ENTREP2: variants seen among roughly 807,000 people sequenced by gnomAD.
The protein encoded by ENTREP2 is endosomal transmembrane epsin interactor 2, also known as protein ENTREP2.
At chr15:29,356,958 C>A in the ENTREP2 span, among the ~76,000 whole-genome samples, 2 of 151,988 alleles carry the variant, frequency 1.3e-5, no homozygotes, top group Non-Finnish European at 2.9e-5. Context: ...AGCTGGGGGC[C>A]CTTCCTCCTC....
At chr15:29,228,280 C>T in the ENTREP2 span, among the ~76,000 whole-genome samples, 56 of 152,216 alleles carry the variant, frequency 3.7e-4, no homozygotes, top group African/African-American at 9.9e-4. Flanking sequence ...GATCACGCCA[C>T]TGCACTCTAG....
chr15:29,304,008 G>A, the ENTREP2 span, among the ~76,000 whole-genome samples: 2 of 152,136 alleles, frequency 1.3e-5, no homozygotes, highest in East Asian at 3.9e-4. Flanking sequence ...AGCCTCCCAA[G>A]TAGCTGGGAC....
At chr15:29,441,084 G>A in the ENTREP2 span, among the ~76,000 whole-genome samples, 5 of 152,186 alleles carry the variant, frequency 3.3e-5, no homozygotes, top group African/African-American at 4.8e-5. Context: ...CCACAAATGC[G>A]TGCATTGATA....
chr15:29,253,364 C>G, the ENTREP2 span, among the ~76,000 whole-genome samples: 3 of 152,058 alleles, frequency 2.0e-5, no homozygotes, highest in African/African-American at 4.8e-5. Flanking sequence ...AAACATTTCT[C>G]TAGCCTCTGT....
the ENTREP2 span, among the ~76,000 whole-genome samples, chr15:29,371,092 G>T: frequency 6.6e-6 from 1 of 151,960 alleles, no homozygotes; most frequent in Admixed American, 6.6e-5. Flanking sequence ...ACAACTTGAG[G>T]TACCTCTGAA....
chr15:29,212,792 T>C, the ENTREP2 span, among the ~76,000 whole-genome samples: 1 of 152,240 alleles, frequency 6.6e-6, no homozygotes, highest in Admixed American at 6.5e-5. Flanking sequence ...CTCTTTAGTT[T>C]AATTAGATCC....
chr15:29,367,616 G>A, the ENTREP2 span, among the ~76,000 whole-genome samples: 661 of 152,222 alleles, frequency 4.3e-3, 20 homozygotes, highest in East Asian at 0.052. Flanking sequence ...CATGCATAGC[G>A]CTGTGCATAT....
the ENTREP2 span, among the ~76,000 whole-genome samples, chr15:29,172,636 G>A: frequency 6.6e-6 from 1 of 152,124 alleles, no homozygotes; most frequent in Non-Finnish European, 1.5e-5. Context: ...AGGGTCCCTT[G>A]CCCTTCATAA....
chr15:29,330,645 C>T, the ENTREP2 span, among the ~76,000 whole-genome samples: 1 of 152,042 alleles, frequency 6.6e-6, no homozygotes, highest in Non-Finnish European at 1.5e-5. Context: ...GAGCCTAAGG[C>T]AACATGGCGA....
the ENTREP2 span, among the ~76,000 whole-genome samples, chr15:29,637,983 G>A: frequency 1.3e-5 from 2 of 152,288 alleles, no homozygotes; most frequent in East Asian, 3.9e-4. Context: ...AAGACCAAAT[G>A]GACATGGAGT....
chr15:29,269,777 C>A, the ENTREP2 span: 1 of 1,352,854 alleles, frequency 7.4e-7, no homozygotes. Context: ...GGTCGGCGAC[C>A]CGCTAACGCC....
chr15:29,196,749 C>G, the ENTREP2 span: 5 of 531,088 alleles, frequency 9.4e-6, no homozygotes. Flanking sequence ...CTTCAAATTC[C>G]TATCTTAACA....
At chr15:29,632,721 G>C in the ENTREP2 span, among the ~76,000 whole-genome samples, 1 of 152,102 alleles carries the variant, frequency 6.6e-6, no homozygotes, top group Non-Finnish European at 1.5e-5. Context: ...AGGAGGCAGA[G>C]GTTGCAGTGA....
At chr15:29,350,524 A>C in the ENTREP2 span, among the ~76,000 whole-genome samples, 1 of 152,232 alleles carries the variant, frequency 6.6e-6, no homozygotes, top group Non-Finnish European at 1.5e-5. Context: ...ACTTTGATTA[A>C]GAATTTCAAA....
chr15:29,251,655 A>G, the ENTREP2 span, among the ~76,000 whole-genome samples: 1 of 152,050 alleles, frequency 6.6e-6, no homozygotes, highest in Non-Finnish European at 1.5e-5. Flanking sequence ...CTGTTCTACA[A>G]TGTACACAGC....
chr15:29,263,143 A>G, the ENTREP2 span, among the ~76,000 whole-genome samples: 1 of 152,258 alleles, frequency 6.6e-6, no homozygotes. Flanking sequence ...CAAGTGACCA[A>G]AACCAATTTC....
At chr15:29,352,684 G>A in the ENTREP2 span, among the ~76,000 whole-genome samples, 5 of 152,050 alleles carry the variant, frequency 3.3e-5, no homozygotes, top group African/African-American at 9.7e-5. Flanking sequence ...CCTGGCTGCC[G>A]CTCACTCTGA....
the ENTREP2 span, chr15:29,234,505 A>G: frequency 4.2e-6 from 6 of 1,420,598 alleles, no homozygotes; most frequent in African/African-American, 1.4e-5. Flanking sequence ...AGCTATAAGA[A>G]CAACCAACGG....
At chr15:29,255,893 C>T in the ENTREP2 span, among the ~76,000 whole-genome samples, 5 of 151,328 alleles carry the variant, frequency 3.3e-5, no homozygotes, top group East Asian at 2.0e-4. Flanking sequence ...ACCAGCTACT[C>T]GGGATGCTGA....
Sources: gnomAD v4.1 joint callset for allele counts (sites outside exome capture counted in the v4.1 genomes callset) on GRCh38, gnomAD v4.1.1 for gene constraint, MANE v1.5 for transcripts, NCBI Gene and HGNC (gene_info 2026-07-23, HGNC 2026-07-21) for gene names.